Variants in ARFGEF1 observed in about 807,000 individuals in gnomAD.
The protein encoded by ARFGEF1 is brefeldin A-inhibited guanine nucleotide-exchange protein 1.
ARFGEF1 carries 42 observed loss-of-function variants against 231.0 expected under a neutral mutation model. The observed-to-expected ratio is 0.18, with a 90% CI of 0.14 to 0.24. The LOEUF (loss-of-function observed/expected upper bound fraction) is 0.24. Among genes scored for constraint, ARFGEF1 ranks in the 10% least tolerant of loss-of-function variants. The pLI is 1.00. For synonymous variants in ARFGEF1, 710 were observed against 732.3 expected (o/e 0.97, Z 0.49); for missense variants, 1,345 against 2,192.0 (o/e 0.61, Z 7.72).
intron 6 of ARFGEF1, among the ~76,000 whole-genome samples, chr8:67,290,976 C>T (rs1229246100): frequency 6.6e-6 from 1 of 151,680 alleles, no homozygotes; most frequent in Non-Finnish European, 1.5e-5. Flanking sequence ...AAAAAAAAAT[C>T]AAGAGCTGAA....
chr8:67,226,224 T>G (rs1563849320), intron 27 of ARFGEF1, 41 bp from the exon 28 acceptor site: 1 of 1,436,238 alleles, frequency 7.0e-7, no homozygotes, highest in Non-Finnish European at 9.2e-7. Flanking sequence ...ATTTTTCAAT[T>G]ATTCTTAGCT....
intron 9 of ARFGEF1, among the ~76,000 whole-genome samples, chr8:67,272,964 G>T (rs1470306069): frequency 6.6e-6 from 1 of 151,838 alleles, no homozygotes; most frequent in Non-Finnish European, 1.5e-5. Context: ...AAAATTATCC[G>T]AGTGTGGTGG....
intron 14 of ARFGEF1, among the ~76,000 whole-genome samples, chr8:67,263,535 G>A (rs1476891657): frequency 6.6e-6 from 1 of 152,124 alleles, no homozygotes; most frequent in Non-Finnish European, 1.5e-5. Context: ...CTTACCTCCT[G>A]TTATTCCCCC....
intron 5 of ARFGEF1, among the ~76,000 whole-genome samples, chr8:67,179,409 C>A (rs540364986): frequency 1.3e-5 from 2 of 152,254 alleles, no homozygotes; most frequent in East Asian, 3.9e-4. Flanking sequence ...CTTTGTATCC[C>A]CAGTTCCTAG....
Position 67,225,137 on chromosome 8 carries a change from G to C in ARFGEF1, c.4078-104C>G, listed in dbSNP as rs1040481479. 4.8e-6 allele frequency: 5 copies of C among 1,049,372 alleles called. No homozygotes were observed. In the Admixed American group the frequency reaches 1.2e-4, roughly 26 times the overall value. 65.0% of individuals were successfully genotyped at this position (1,049,372 alleles called of 1,614,324 possible). On this transcript the variant is annotated intron_variant, in intron 28 of 38. Transcript: ENST00000262215. ...TTTAAATGCTTCACAAATAACCAGT[G>C]AGCAATTTAATAAAAAATAATTTAT...
rs779003573 is a variant in ARFGEF1 at position 67,251,162 on chromosome 8, CAT to C, written c.2850+135_2850+136del. 1.2e-4 allele frequency: 97 copies of C among 788,182 alleles called. 1 individual carries two copies. The highest frequency in any genetic ancestry group is 1.5e-4 in the Non-Finnish European group (85 of 564,040). 48.8% of individuals were successfully genotyped at this position (788,182 alleles called of 1,614,324 possible). Reference sequence around the variant, plus strand: ...TTTGTATCTACTATGTCCTAAATAACATGTTATATGAATTTCACCTCAATATG... The same window carrying C: ...TTTGTATCTACTATGTCCTAAATAACGTTATATGAATTTCACCTCAATATG... On this transcript the variant is annotated intron_variant, in intron 19 of 38. Transcript: ENST00000262215.
downstream of ARFGEF1, chr8:67,197,635 A>AACAT (rs1838113474): frequency 1.0e-6 from 1 of 985,760 alleles, no homozygotes; most frequent in Non-Finnish European, 1.2e-6. Context: ...GAATCAATGA[A>AACAT]ACATGGGGGT....
At chr8:67,205,866 AAATAAAT>A (rs1563835204) in intron 34 of ARFGEF1, among the ~76,000 whole-genome samples, 138 of 128,694 alleles carry the variant, frequency 1.1e-3, no homozygotes, top group African/African-American at 5.0e-3. Context: ...TCAAAAAAAT[AAATAAAT>A]AAATAAATAA....
At chr8:67,343,093 A>ACCCCCCCCCAGGCCCCCCCCCCCCCC in intron 1 of ARFGEF1, 71 bp downstream of exon 1, 1 of 184,674 alleles carries the variant, frequency 5.4e-6, no homozygotes, top group Non-Finnish European at 1.0e-5. Flanking sequence ...GGGCGACCCC[A>ACCCCCCCCCAGGCCCCCCCCCCCCCC]CCCCCCCACA....
intron 5 of ARFGEF1, among the ~76,000 whole-genome samples, chr8:67,186,298 TTTGC>T (rs1190262230): frequency 6.6e-6 from 1 of 152,152 alleles, no homozygotes; most frequent in Admixed American, 6.5e-5. Flanking sequence ...AACTCCACCC[TTTGC>T]TTGGTTTTAA....
At position 67,257,834 on chromosome 8, in the gene ARFGEF1, T is replaced by C; in HGVS notation, c.2442-18A>G. ...GAGTTTGTCTGGAAAAATAAATGTA[T>C]CATGTTATAAACTTCTACTGTTTTA... On this transcript the variant is annotated intron_variant, in intron 16 of 38. Transcript: ENST00000262215. 6.3e-7 allele frequency: 1 copy of C among 1,581,412 alleles called. No homozygotes were observed.
rs1018743161 is a variant in ARFGEF1, at chr8:67,303,177, G to A, written c.125-711C>T. The stretch of plus-strand genomic sequence containing the variant: ...CACAAAATGTACGGCAGATGTTTGG[G>A]GACAGGAGGAAAAACACCTCAATGC... On this transcript the variant is annotated intron_variant, in intron 1 of 38. Transcript: ENST00000262215. Among the ~76,000 whole-genome samples, 20 of 152,024 alleles carry A rather than the reference G, an allele frequency of 1.3e-4. 2 individuals carry two copies. Among genetic ancestry groups the A allele is most frequent in the Admixed American group, 1.2e-3 (19 of 15,256 alleles).
intron 5 of ARFGEF1, among the ~76,000 whole-genome samples, chr8:67,189,416 A>G (rs370494435): frequency 2.0e-5 from 3 of 152,206 alleles, no homozygotes; most frequent in African/African-American, 4.8e-5. Flanking sequence ...AGACAATGCA[A>G]TATTTTTCAG....
chr8:67,309,881 T>A (rs547375237), intron 1 of ARFGEF1, among the ~76,000 whole-genome samples: 1 of 152,206 alleles, frequency 6.6e-6, no homozygotes, highest in Non-Finnish European at 1.5e-5. Context: ...TTAATTATTA[T>A]CCTTGTTATT....
At chr8:67,253,335 C>G (rs1165878010) in intron 18 of ARFGEF1, 116 bp downstream of exon 18, 1 of 633,184 alleles carries the variant, frequency 1.6e-6, no homozygotes, top group Non-Finnish European at 2.4e-6. Flanking sequence ...TTCAGCCTCC[C>G]TGAGTAGCTG....
At position 67,320,223 on chromosome 8, in the gene ARFGEF1, C is replaced by CAA. The variant is rs544834392; in HGVS notation, c.125-17759_125-17758dup. Among the ~76,000 whole-genome samples, 157 of 45,246 alleles carry CAA rather than the reference C, an allele frequency of 3.5e-3. 2 individuals carry two copies. The highest frequency in any genetic ancestry group is 4.9e-3 in the Non-Finnish European group (119 of 24,064). The allele number at this position is 45,246 out of a possible 152,430, so 29.7% of individuals were successfully genotyped here. A position where few individuals can be genotyped will look rare whatever the true frequency, so the allele number is the denominator to read the frequency against. ...TGGGTGAAAGAGCAAAACGCTATCTCAAAAAAAAAAAAAAAAAAAAAAAAA... is the reference window on the plus strand; with the variant it reads ...TGGGTGAAAGAGCAAAACGCTATCTCAAAAAAAAAAAAAAAAAAAAAAAAAAA... On this transcript the variant is annotated intron_variant, in intron 1 of 38. Coordinates refer to ENST00000262215, the MANE Select transcript of ARFGEF1 (RefSeq NM_006421.5).
intron 1 of ARFGEF1, among the ~76,000 whole-genome samples, chr8:67,306,120 C>T (rs958766781): frequency 1.3e-5 from 2 of 152,164 alleles, no homozygotes; most frequent in African/African-American, 2.4e-5. Context: ...TTCTCTTTGG[C>T]GTATCTGAAT....
At chr8:67,275,238 A>T (rs966497566) in intron 9 of ARFGEF1, among the ~76,000 whole-genome samples, 1 of 40,896 alleles carries the variant, frequency 2.4e-5, no homozygotes, top group Non-Finnish European at 4.7e-5. Context: ...GCAATACATC[A>T]TGCTGCAATA....
chr8:67,228,448 C>T (rs1839450348), intron 23 of ARFGEF1, among the ~76,000 whole-genome samples, 184 bp from the exon 24 acceptor site: 1 of 151,912 alleles, frequency 6.6e-6, no homozygotes, highest in South Asian at 2.1e-4. Flanking sequence ...TCTCCCTCCC[C>T]TCCACCTCTA....
Sources: gnomAD v4.1 joint callset for allele counts (sites outside exome capture counted in the v4.1 genomes callset) on GRCh38, gnomAD v4.1.1 for gene constraint, MANE v1.5 for transcripts, NCBI Gene and HGNC (gene_info 2026-07-23, HGNC 2026-07-21) for gene names.